NRG1: variants seen among roughly 807,000 people sequenced by gnomAD.
NRG1 encodes the protein neuregulin 1.
Under a neutral mutation model 63.8 loss-of-function variants are expected in NRG1, and 18 were observed. The observed-to-expected ratio is 0.28, with a 90% confidence interval of 0.19 to 0.42. NRG1 has a LOEUF of 0.42. Ranked by LOEUF, NRG1 falls within the 10% of genes least tolerant of loss-of-function variation. NRG1 has a pLI of 1.00. For synonymous variants in NRG1, 302 were observed against 301.3 expected (o/e 1.00, Z -0.02); for missense variants, 762 against 814.7 (o/e 0.94, Z 0.79).
chr8:32,240,991 A>C (rs1016250597), intron 1 of NRG1, among the ~76,000 whole-genome samples: 6 of 152,114 alleles, frequency 3.9e-5, no homozygotes, highest in Admixed American at 2.0e-4. Flanking sequence ...TAAAAAAGCA[A>C]TACAAGCCAG....
At chr8:31,830,811 G>T (rs1180803348) in intron 1 of NRG1, among the ~76,000 whole-genome samples, 1 of 152,068 alleles carries the variant, frequency 6.6e-6, no homozygotes, top group Non-Finnish European at 1.5e-5. Flanking sequence ...GAGCTTCAAT[G>T]TGATTAGGTC....
At chr8:32,012,399 AG>A (rs1164676992) in intron 1 of NRG1, among the ~76,000 whole-genome samples, 1 of 152,080 alleles carries the variant, frequency 6.6e-6, no homozygotes, top group East Asian at 1.9e-4. Flanking sequence ...ACATCAAGGG[AG>A]AGGGTAGCCC....
At chr8:31,969,802 C>T (rs936585079) in intron 1 of NRG1, among the ~76,000 whole-genome samples, 13 of 152,098 alleles carry the variant, frequency 8.5e-5, no homozygotes, top group African/African-American at 2.2e-4. Context: ...GGATGTCTCT[C>T]TTATTTCTGC....
chr8:32,708,765 A>C (rs1168007892), intron 5 of NRG1, among the ~76,000 whole-genome samples: 2 of 152,204 alleles, frequency 1.3e-5, no homozygotes, highest in East Asian at 3.8e-4. Context: ...TTAAGATGAC[A>C]GGAATGGTTA....
At chr8:31,921,688 C>T (rs1163311803) in intron 1 of NRG1, among the ~76,000 whole-genome samples, 2 of 152,112 alleles carry the variant, frequency 1.3e-5, no homozygotes, top group South Asian at 2.1e-4. Flanking sequence ...GTCATTAGTT[C>T]ATTTTGCATG....
At chr8:31,802,616 C>T (rs762972332) in intron 1 of NRG1, among the ~76,000 whole-genome samples, 18 of 152,160 alleles carry the variant, frequency 1.2e-4, no homozygotes, top group Non-Finnish European at 2.4e-4. Context: ...CAAAACAGTA[C>T]ACCTGTAAAA....
At chr8:32,410,334 C>T (rs2129485358) in intron 1 of NRG1, among the ~76,000 whole-genome samples, 1 of 151,990 alleles carries the variant, frequency 6.6e-6, no homozygotes, top group East Asian at 1.9e-4. Context: ...GTACATGCCA[C>T]CATGCCCAGC....
chr8:32,346,279 T>A (rs543433631), intron 1 of NRG1, among the ~76,000 whole-genome samples: 16 of 149,284 alleles, frequency 1.1e-4, no homozygotes, highest in South Asian at 2.1e-4. Context: ...TATAAGTATA[T>A]ATTTATATAT....
In NRG1 at chr8:32,138,636, C is replaced by T. The variant is rs188814128; in HGVS notation, c.38-457192C>T. Among the ~76,000 whole-genome samples, 8 of 152,078 alleles carry T rather than the reference C, an allele frequency of 5.3e-5. No homozygotes were observed. The East Asian group carries it at 1.4e-3, about 26-fold the overall frequency. ...AGTGCGCAGTGGTGCAGTCTTGGCT[C>T]ACTGCAACCTCAGCTTCCCAGGTTC... On this transcript the variant is annotated intron_variant, in intron 1 of 10. Coordinates refer to the NRG1 transcript ENST00000519301.
At chr8:32,269,162 C>T (rs1851294084) in intron 1 of NRG1, among the ~76,000 whole-genome samples, 1 of 151,854 alleles carries the variant, frequency 6.6e-6, no homozygotes, top group African/African-American at 2.4e-5. Context: ...GTATCAAAGA[C>T]ACTGAGGCAT....
chr8:31,817,301 T>C (rs1823551262), intron 1 of NRG1, among the ~76,000 whole-genome samples: 1 of 152,230 alleles, frequency 6.6e-6, no homozygotes, highest in Non-Finnish European at 1.5e-5. Flanking sequence ...CAGAGACTCC[T>C]AACAGGGCTC....
chr8:32,641,286 CAA>C (rs1316729769), intron 5 of NRG1, among the ~76,000 whole-genome samples: 1 of 152,056 alleles, frequency 6.6e-6, no homozygotes, highest in Non-Finnish European at 1.5e-5. Flanking sequence ...CGACACATAA[CAA>C]AGTCTCATTT....
At chr8:32,073,915 T>C (rs920412824) in intron 1 of NRG1, among the ~76,000 whole-genome samples, 6 of 152,154 alleles carry the variant, frequency 3.9e-5, no homozygotes, top group African/African-American at 1.4e-4. Flanking sequence ...TAGCAATAAA[T>C]AATATTTTAT....
At chr8:31,942,923 A>G (rs1235906568) in intron 1 of NRG1, among the ~76,000 whole-genome samples, 1 of 151,464 alleles carries the variant, frequency 6.6e-6, no homozygotes, top group Non-Finnish European at 1.5e-5. Flanking sequence ...GGATGCAATG[A>G]AAAGGGAACA....
intron 1 of NRG1, among the ~76,000 whole-genome samples, chr8:32,557,787 G>A (rs1265411054): frequency 6.6e-6 from 1 of 152,108 alleles, no homozygotes; most frequent in Non-Finnish European, 1.5e-5. Flanking sequence ...TTGTCAAGAG[G>A]AAACCAATAA....
chr8:31,754,534 T>C lies in NRG1; in HGVS notation c.37+115103T>C, dbSNP rs147871006. Among the ~76,000 whole-genome samples the C allele has an allele frequency of 3.8e-3, 584 of 152,152 alleles. 1 individual carries two copies. The highest frequency in any genetic ancestry group is 0.02 in the Middle Eastern group (6 of 294). On this transcript the variant is annotated intron_variant, in intron 1 of 10. Coordinates refer to the NRG1 transcript ENST00000519301. Reference sequence around the variant, plus strand: ...CCTCTACAGCCTGCAGAACCATGAGTCAATTAAATCCCCTTCCTTCAAAAA... The same window carrying C: ...CCTCTACAGCCTGCAGAACCATGAGCCAATTAAATCCCCTTCCTTCAAAAA...
intron 1 of NRG1, among the ~76,000 whole-genome samples, chr8:32,580,443 T>C (rs1265867986): frequency 1.3e-5 from 2 of 152,184 alleles, no homozygotes; most frequent in Non-Finnish European, 2.9e-5. Flanking sequence ...TAAGTGATAA[T>C]ATAAGAAGAA....
At chr8:31,641,280 G>C (rs1803752412) in intron 1 of NRG1, among the ~76,000 whole-genome samples, 1 of 151,976 alleles carries the variant, frequency 6.6e-6, no homozygotes, top group Non-Finnish European at 1.5e-5. Context: ...GGTGCAGTCT[G>C]TACCTTGTGA....
At chr8:32,379,630 A>G (rs975711227) in intron 1 of NRG1, among the ~76,000 whole-genome samples, 5 of 152,230 alleles carry the variant, frequency 3.3e-5, no homozygotes, top group East Asian at 1.9e-4. Context: ...ATCCTTCTGC[A>G]TGTGCACTGA....
Sources: gnomAD v4.1 joint callset for allele counts (sites outside exome capture counted in the v4.1 genomes callset) on GRCh38, gnomAD v4.1.1 for gene constraint, MANE v1.5 for transcripts, NCBI Gene and HGNC (gene_info 2026-07-23, HGNC 2026-07-21) for gene names.